The following BARD1 variants were observed in gnomAD, a reference collection of about 807,000 sequenced individuals.
The protein encoded by BARD1 is BRCA1 associated RING domain 1.
A neutral mutation model predicts 77.0 loss-of-function variants in BARD1; 73 were observed. The ratio of observed to expected loss-of-function variants is 0.95; its 90% CI spans 0.79 to 1.15. The LOEUF is 1.15. Among genes scored for constraint, BARD1 ranks in the 50% most tolerant of loss-of-function variants. BARD1 has a pLI of 0.00. For missense variants in BARD1, 993 were observed against 938.8 expected (o/e 1.06, Z -0.75); for synonymous variants, 384 against 338.0 (o/e 1.14, Z -1.49).
chr2:214,789,035 G>A (rs963808521), intron 3 of BARD1, among the ~76,000 whole-genome samples: 2 of 152,044 alleles, frequency 1.3e-5, no homozygotes, highest in Admixed American at 1.3e-4. Flanking sequence ...AGTAGAAAAA[G>A]CTCTACACCA....
intron 1 of BARD1, among the ~76,000 whole-genome samples, chr2:214,801,589 C>T (rs1696021872): frequency 6.6e-6 from 1 of 152,164 alleles, no homozygotes; most frequent in Non-Finnish European, 1.5e-5. Flanking sequence ...AGGCCAGTGT[C>T]TCTTACAACT....
intron 6 of BARD1, among the ~76,000 whole-genome samples, chr2:214,764,889 T>C (rs1694125515): frequency 6.6e-6 from 1 of 152,112 alleles, no homozygotes; most frequent in African/African-American, 2.4e-5. Context: ...ACCAATAGTC[T>C]GGAAAGGAAA....
Position 214,769,333 on chromosome 2 carries a change from G to T in BARD1, c.1315-21C>A, listed in dbSNP as rs747393586. The T allele has an allele frequency of 1.9e-6, 3 of 1,577,662 alleles. No homozygotes were observed. Among genetic ancestry groups the T allele is most frequent in the Admixed American group, 3.3e-5 (2 of 59,896 alleles). On this transcript the variant is annotated intron_variant, in intron 4 of 10. Transcript: ENST00000260947. ...TCGCCCTAGAAAAATGAACAAAACGGAAATTAAAAAGCATTAAGGAAAGAA... is the reference window on the plus strand; with the variant it reads ...TCGCCCTAGAAAAATGAACAAAACGTAAATTAAAAAGCATTAAGGAAAGAA...
intron 4 of BARD1, 61 bp from the exon 5 acceptor site, chr2:214,769,373 C>G (rs1694371162): frequency 1.5e-6 from 2 of 1,340,040 alleles, no homozygotes; most frequent in Admixed American, 1.7e-5. Context: ...AAATATTGAG[C>G]TTTTTTAAAT....
Position 214,728,692 on chromosome 2 carries a change from A to G in BARD1, c.2318T>C (p.Leu773Pro), listed in dbSNP as rs1559371391. 6.2e-7 allele frequency: 1 copy of G among 1,614,230 alleles called. No individual in the cohort carries two copies. The highest frequency in any genetic ancestry group is 8.5e-7 in the Non-Finnish European group (1 of 1,180,026). Residue 773 changes from leucine (L) to proline (P), a missense_variant, in exon 11 of 11, where the codon CTT (leucine) becomes CCT (proline). Coordinates refer to ENST00000260947, the MANE Select transcript of BARD1 (RefSeq NM_000465.4). ...GTATAATATTCAGCTGTCAAGAGGA[A>G]GCAACTCAAAGGACATCACACAGTC... The part of the protein sequence containing the change: ...FIDCVMSFEL[L>P]PLDS
In BARD1 at chr2:214,729,016, A is replaced by G; in HGVS notation, c.2002-8T>C. On this transcript the variant is annotated splice_polypyrimidine_tract_variant and splice_region_variant and intron_variant, in intron 10 of 10. Coordinates refer to ENST00000260947, the MANE Select transcript of BARD1 (RefSeq NM_000465.4). ...ATCAAACAGCTTTGGCAACTGAAAT[A>G]ATGAGAAAACATTTGTTAAAGGCAG... 1.2e-6 allele frequency: 2 copies of G among 1,613,626 alleles called. No individual in the cohort carries two copies. The highest frequency in any genetic ancestry group is 1.7e-6 in the Non-Finnish European group (2 of 1,179,676).
chr2:214,786,960 T>G (rs1204179432), intron 3 of BARD1, among the ~76,000 whole-genome samples: 4 of 151,916 alleles, frequency 2.6e-5, no homozygotes, highest in Admixed American at 2.6e-4. Flanking sequence ...TAATCTCAAG[T>G]CTATAGGAAA....
Position 214,745,741 on chromosome 2 carries a change from AT to A in BARD1, c.1790del (p.Tyr597LeufsTer8). On this transcript the variant is annotated frameshift_variant, in exon 8 of 11. Coordinates refer to ENST00000260947, the MANE Select transcript of BARD1 (RefSeq NM_000465.4). LOFTEE classifies it high-confidence loss of function. ...CCTCACCTGTACTGTCAAACTCAGT[AT>A]ATTTTTTAGCCTTAAGAATTACTGC... ...ELAVILKAKK[Y>X]TEFDSTVTHV... 6.2e-7 allele frequency: 1 copy of A among 1,614,074 alleles called. No homozygotes were observed. Among genetic ancestry groups the A allele is most frequent in the Non-Finnish European group, 8.5e-7 (1 of 1,179,976 alleles).
intron 9 of BARD1, 60 bp downstream of exon 9, chr2:214,745,007 A>C: frequency 7.2e-7 from 1 of 1,388,042 alleles, no homozygotes; most frequent in Non-Finnish European, 1.0e-6. Context: ...AGGCATTAAT[A>C]ACCATGAAAA....
At chr2:214,796,803 A>C (rs1695773199) in intron 2 of BARD1, 1 of 477,040 alleles carries the variant, frequency 2.1e-6, no homozygotes, top group African/African-American at 1.9e-5. Context: ...AAAAGGCATT[A>C]ATTTTTTTCC....
intron 9 of BARD1, among the ~76,000 whole-genome samples, chr2:214,733,611 T>G (rs1318867599): frequency 1.3e-5 from 2 of 152,186 alleles, no homozygotes; most frequent in African/African-American, 2.4e-5. Context: ...TGCTGTTTCC[T>G]GTCACTTTAT....
intron 10 of BARD1, among the ~76,000 whole-genome samples, chr2:214,729,382 C>T (rs1234127086): frequency 6.6e-6 from 1 of 152,162 alleles, no homozygotes. Context: ...CATGTCAAAG[C>T]TCAAAAAGTT....
At chr2:214,732,674 C>T (rs536154652) in intron 9 of BARD1, among the ~76,000 whole-genome samples, 15 of 152,252 alleles carry the variant, frequency 9.9e-5, no homozygotes, top group Admixed American at 4.6e-4. Flanking sequence ...GGATTACAGG[C>T]GTGAACCACC....
At chr2:214,733,183 C>G (rs1406397069) in intron 9 of BARD1, among the ~76,000 whole-genome samples, 1 of 152,168 alleles carries the variant, frequency 6.6e-6, no homozygotes, top group African/African-American at 2.4e-5. Flanking sequence ...CACTTCGGCG[C>G]TCTTCCTATA....
At chr2:214,746,317 G>T (rs1338518511) in intron 7 of BARD1, among the ~76,000 whole-genome samples, 1 of 152,062 alleles carries the variant, frequency 6.6e-6, no homozygotes, top group African/African-American at 2.4e-5. Flanking sequence ...CTCAAAGATA[G>T]AAAACAAATT....
At chr2:214,745,881 G>GT in intron 7 of BARD1, 27 bp from the exon 8 acceptor site, 1 of 1,613,074 alleles carries the variant, frequency 6.2e-7, no homozygotes. Flanking sequence ...AGATACCAGT[G>GT]TTAAAAACAT....
At chr2:214,751,094 T>C (rs1291431960) in intron 7 of BARD1, among the ~76,000 whole-genome samples, 1 of 7,664 alleles carries the variant, frequency 1.3e-4, no homozygotes, top group African/African-American at 3.6e-4. Context: ...TGTGTGTGTG[T>C]GTGTGTGTGT....
At chr2:214,801,849 C>CGGA (rs1553626687) in intron 1 of BARD1, among the ~76,000 whole-genome samples, 1 of 113,752 alleles carries the variant, frequency 8.8e-6, no homozygotes, top group Non-Finnish European at 1.8e-5. Flanking sequence ...AAATATTTGG[C>CGGA]GGGGGGGGGG....
At chr2:214,802,409 T>C (rs1409460226) in intron 1 of BARD1, among the ~76,000 whole-genome samples, 1 of 152,212 alleles carries the variant, frequency 6.6e-6, no homozygotes, top group African/African-American at 2.4e-5. Flanking sequence ...AGGGTATGTA[T>C]ATTAAATATA....
Sources: gnomAD v4.1 joint callset for allele counts (sites outside exome capture counted in the v4.1 genomes callset) on GRCh38, gnomAD v4.1.1 for gene constraint, MANE v1.5 for transcripts, NCBI Gene and HGNC (gene_info 2026-07-23, HGNC 2026-07-21) for gene names.